TGS1: variants seen among roughly 807,000 people sequenced by gnomAD.
The protein encoded by TGS1 is trimethylguanosine synthase 1.
In TGS1, 69 loss-of-function variants were observed where a neutral mutation model predicts 92.2. The ratio of observed to expected loss-of-function variants is 0.75; its 90% CI spans 0.62 to 0.91. TGS1 has a LOEUF of 0.91. Among genes scored for constraint, TGS1 ranks in the 40% least tolerant of loss-of-function variants. The pLI, the probability that TGS1 is intolerant of heterozygous loss-of-function variation, is 0.00. For missense variants in TGS1, 1,062 were observed against 1,001.2 expected (o/e 1.06, Z -0.82); for synonymous variants, 345 against 338.1 (o/e 1.02, Z -0.22).
chr8:55,798,489 T>G, intron 7 of TGS1, among the ~76,000 whole-genome samples: 2 of 152,242 alleles, frequency 1.3e-5, no homozygotes, highest in Admixed American at 1.3e-4. Context: ...TAAGTAACAT[T>G]TACATAGATT....
At chr8:55,801,072 A>G (rs1812200123) in intron 8 of TGS1, among the ~76,000 whole-genome samples, 1 of 152,210 alleles carries the variant, frequency 6.6e-6, no homozygotes, top group Non-Finnish European at 1.5e-5. Context: ...CTCAGATGCC[A>G]TGTGACTTCA....
At chr8:55,782,146 C>CTTAATTTA (rs1221612284) in intron 1 of TGS1, among the ~76,000 whole-genome samples, 5 of 150,734 alleles carry the variant, frequency 3.3e-5, no homozygotes, top group East Asian at 2.0e-4. Context: ...AGAACTTACA[C>CTTAATTTA]TTTATTTATT....
chr8:55,807,019 C>A (rs1033756543), intron 10 of TGS1, among the ~76,000 whole-genome samples: 1 of 151,664 alleles, frequency 6.6e-6, no homozygotes, highest in African/African-American at 2.4e-5. Context: ...AACTCCGCCT[C>A]CCGAGTGCAT....
intron 6 of TGS1, among the ~76,000 whole-genome samples, chr8:55,793,260 AT>A (rs1294050249): frequency 6.6e-6 from 1 of 152,218 alleles, no homozygotes; most frequent in Non-Finnish European, 1.5e-5. Context: ...TCGTTCTCAA[AT>A]GTAGGCAGTG....
At chr8:55,778,062 A>G (rs557472361) in intron 1 of TGS1, among the ~76,000 whole-genome samples, 4 of 152,298 alleles carry the variant, frequency 2.6e-5, no homozygotes, top group African/African-American at 9.6e-5. Context: ...GCTTGAGCCC[A>G]GAAGTTCAAG....
At chr8:55,806,463 TTC>T (rs752487713) in intron 10 of TGS1, among the ~76,000 whole-genome samples, 46 of 151,960 alleles carry the variant, frequency 3.0e-4, no homozygotes, top group Non-Finnish European at 5.4e-4. Context: ...TAACAATTTT[TTC>T]TCTGTTTCTT....
rs61740025 is a variant in TGS1 at position 55,786,346 on chromosome 8, G to A, written c.448G>A (p.Asp150Asn). 11,380 of 1,612,404 alleles carry A rather than the reference G, an allele frequency of 7.1e-3. 62 individuals carry two copies. The highest frequency in any genetic ancestry group is 8.6e-3 in the Non-Finnish European group (10,184 of 1,179,216). ...ESWRKEYEED[D>N]ILASDDPSSI... is the part of the protein sequence containing the mutation. ...TTGGAGAAAAGAATATGAAGAAGAC[G>A]ACATTTTGGCTTCAGATGATCCATC... The change falls in exon 4 of 13, where the codon GAC becomes AAC. Residue 150 changes from aspartate to asparagine, a missense_variant. By Grantham distance (23) the Asp-to-Asn change is conservative. Coordinates refer to ENST00000260129, the MANE Select transcript of TGS1 (RefSeq NM_024831.8).
At chr8:55,798,629 C>G (rs1163482037) in intron 7 of TGS1, among the ~76,000 whole-genome samples, 2 of 152,204 alleles carry the variant, frequency 1.3e-5, no homozygotes, top group African/African-American at 4.8e-5. Flanking sequence ...GGAAAAGCCA[C>G]TGGGACAGTT....
intron 10 of TGS1, among the ~76,000 whole-genome samples, chr8:55,806,903 CTTTA>C (rs778928860): frequency 6.6e-5 from 10 of 151,610 alleles, no homozygotes; most frequent in South Asian, 6.3e-4. Flanking sequence ...ATCATTTAAC[CTTTA>C]TTTATTTATT....
In TGS1 at chr8:55,792,893, T is replaced by A. The variant is rs75738815; in HGVS notation, c.1367+109T>A. 5.5e-3 allele frequency: 3,860 copies of A among 702,724 alleles called. 97 individuals carry two copies. The highest frequency in any genetic ancestry group is 0.047 in the East Asian group (1,741 of 37,384). The allele number at this position is 702,724 out of a possible 1,614,324, so 43.5% of individuals were successfully genotyped here. On this transcript the variant is annotated intron_variant, in intron 6 of 12. Coordinates refer to ENST00000260129, the MANE Select transcript of TGS1 (RefSeq NM_024831.8). The stretch of plus-strand genomic sequence containing the variant: ...TAAATGATCATGTGTTGAGATGTTA[T>A]CATTAAATCACTTCTTGTTAGAATT...
Position 55,773,727 on chromosome 8 carries a change from G to A in TGS1, c.101+8G>A. 6.2e-7 allele frequency: 1 copy of A among 1,600,774 alleles called. No individual in the cohort carries two copies. Reference sequence around the variant, plus strand: ...CTCCAGGGCATTTGTGGAGTAAGTAGAAAAGAGAATCTCTTCATGTTCTAG... The same window carrying A: ...CTCCAGGGCATTTGTGGAGTAAGTAAAAAAGAGAATCTCTTCATGTTCTAG... On this transcript the variant is annotated splice_region_variant and intron_variant, in intron 1 of 12. Transcript: ENST00000260129.
chr8:55,782,870 ATT>A (rs1811605636), intron 2 of TGS1, 58 bp downstream of exon 2: 1 of 1,109,024 alleles, frequency 9.0e-7, no homozygotes, highest in Non-Finnish European at 1.3e-6. Flanking sequence ...TAATGTGTTA[ATT>A]TATGTATAAT....
chr8:55,824,951 C>A lies in TGS1; in HGVS notation c.*248C>A. 1 of 360,814 alleles carries A rather than the reference C, an allele frequency of 2.8e-6. No homozygotes were observed. Among genetic ancestry groups the A allele is most frequent in the Non-Finnish European group, 5.0e-6 (1 of 199,140 alleles). The allele number at this position is 360,814 out of a possible 1,614,324, so 22.4% of individuals were successfully genotyped here. A position where few individuals can be genotyped will look rare whatever the true frequency, so the allele number is the denominator to read the frequency against. On this transcript the variant is annotated 3_prime_UTR_variant, in exon 13 of 13. Transcript: ENST00000260129. ...TTTATTTTTTTTTGAGACAGGATCT[C>A]ACTTTTACCGCCCAGGCTGGAGTGC...
At chr8:55,811,618 G>A (rs7836779) in intron 11 of TGS1, among the ~76,000 whole-genome samples, 2,008 of 151,986 alleles carry the variant, frequency 0.013, 39 homozygotes, top group African/African-American at 0.046. Context: ...AAAATTAGCC[G>A]GGCATGGTGG....
chr8:55,818,549 C>T (rs574879767), intron 12 of TGS1, among the ~76,000 whole-genome samples: 29 of 152,356 alleles, frequency 1.9e-4, no homozygotes, highest in Admixed American at 1.7e-3. Context: ...TATTTACTAG[C>T]CAGCTTTTCC....
In TGS1 at chr8:55,799,135, AAG is replaced by A. The variant is rs1473216013; in HGVS notation, c.1768_1769del (p.Asp590GlnfsTer9). On this transcript the variant is annotated frameshift_variant, in exon 8 of 13. Transcript: ENST00000260129. LOFTEE classifies it high-confidence loss of function. ...AGELETENYERDSLLATVPDE... is the reference protein window; with the variant it reads ...AGELETENYEXDSLLATVPDE... ...GTGAACTTGAAACAGAAAACTATGA[AAG>A]AGACAGCTTGCTAGCAACTGTTCCA... 1.2e-6 allele frequency: 2 copies of A among 1,614,064 alleles called. No individual in the cohort carries two copies. Among genetic ancestry groups the A allele is most frequent in the African/African-American group, 2.7e-5 (2 of 74,928 alleles).
At chr8:55,780,451 A>G (rs1351231226) in intron 1 of TGS1, among the ~76,000 whole-genome samples, 2 of 152,200 alleles carry the variant, frequency 1.3e-5, no homozygotes, top group East Asian at 1.9e-4. Context: ...AAATGATGCT[A>G]TGCCCAGCTC....
In TGS1 at chr8:55,811,775, G is replaced by A. The variant is rs116137220; in HGVS notation, c.2360+678G>A. On this transcript the variant is annotated intron_variant, in intron 11 of 12. Transcript: ENST00000260129. ...GACTCCATTTCAAAAAATAGGGAGA[G>A]AGAGAAATTAGTGAAGAGAGGGAGT... Among the ~76,000 whole-genome samples the A allele has an allele frequency of 5.2e-3, 789 of 152,160 alleles. 4 individuals carry two copies. The highest frequency in any genetic ancestry group is 0.018 in the African/African-American group (727 of 41,520).
intron 5 of TGS1, among the ~76,000 whole-genome samples, chr8:55,791,951 A>G (rs990703537): frequency 3.3e-5 from 5 of 152,216 alleles, no homozygotes; most frequent in African/African-American, 1.2e-4. Context: ...CTTTGACTGG[A>G]TATGGGGTGC....
Sources: gnomAD v4.1 joint callset for allele counts (sites outside exome capture counted in the v4.1 genomes callset) on GRCh38, gnomAD v4.1.1 for gene constraint, MANE v1.5 for transcripts, NCBI Gene and HGNC (gene_info 2026-07-23, HGNC 2026-07-21) for gene names.